ENPP3: variants seen among roughly 807,000 people sequenced by gnomAD.
The protein encoded by ENPP3 is ectonucleotide pyrophosphatase/phosphodiesterase 3.
ENPP3 carries 104 observed loss-of-function variants against 117.8 expected under a neutral mutation model. That is an observed-to-expected ratio of 0.88 (90% CI 0.75 to 1.04). ENPP3 has a LOEUF of 1.04. ENPP3 is among the 50% of genes least tolerant of loss of function. ENPP3 has a pLI of 0.00. For synonymous variants in ENPP3, 380 were observed against 349.9 expected, an observed-to-expected ratio of 1.09 and a Z score of -0.96; for missense variants, 1,026 against 1,051.9, an observed-to-expected ratio of 0.98 and a Z score of 0.34.
Position 131,637,345 on chromosome 6 carries a change from A to C in ENPP3, c.-40A>C, listed in dbSNP as rs9375819. On this transcript the variant is annotated 5_prime_UTR_variant, in exon 1 of 25. Coordinates refer to ENST00000357639, the MANE Select transcript of ENPP3 (RefSeq NM_005021.5). ...AGACTAGACTAAAGAAGGAGCACTA[A>C]TTTATTCTGATAAAACAGGTCTATG... 0.77 allele frequency: 1,054,875 copies of C among 1,361,866 alleles called. 412,410 individuals carry two copies. The highest frequency in any genetic ancestry group is 1 in the East Asian group (41,012 of 41,096). 84.4% of individuals were successfully genotyped at this position (1,361,866 alleles called of 1,614,324 possible).
rs563406239 is a variant in ENPP3, at chr6:131,649,939, C to G, written c.155-88C>G. 1.9e-4 allele frequency: 264 copies of G among 1,371,154 alleles called. 5 individuals are homozygous for G. In the South Asian group the frequency reaches 3.1e-3, roughly 16 times the overall value. 84.9% of individuals were successfully genotyped at this position (1,371,154 alleles called of 1,614,324 possible). On this transcript the variant is annotated intron_variant, in intron 2 of 24. Coordinates refer to ENST00000357639, the MANE Select transcript of ENPP3 (RefSeq NM_005021.5). ...ATCTAGTTGTCTGTCATAGTCTGTG[C>G]TGTGTACTTCCTGTGTGCTTCCACT...
intron 20 of ENPP3, among the ~76,000 whole-genome samples, chr6:131,732,556 G>A (rs186723590): frequency 8.4e-4 from 127 of 151,724 alleles, no homozygotes; most frequent in Non-Finnish European, 1.5e-3. Flanking sequence ...GGGATTACAG[G>A]CACCCACCAC....
chr6:131,724,375 C>T (rs1780106644), intron 19 of ENPP3, among the ~76,000 whole-genome samples: 1 of 152,190 alleles, frequency 6.6e-6, no homozygotes, highest in African/African-American at 2.4e-5. Flanking sequence ...GCAGACTGAG[C>T]TGCCTGGGTT....
chr6:131,668,665 T>G (rs1487954929), intron 6 of ENPP3, among the ~76,000 whole-genome samples: 1 of 152,182 alleles, frequency 6.6e-6, no homozygotes, highest in African/African-American at 2.4e-5. Flanking sequence ...TAGTACTTTA[T>G]TTTTTTAATT....
Position 131,650,112 on chromosome 6 carries a change from T to C in ENPP3, c.240T>C (p.Asp80=). 1 of 1,614,098 alleles carries C rather than the reference T, an allele frequency of 6.2e-7. No homozygotes were observed. The highest frequency in any genetic ancestry group is 8.5e-7 in the Non-Finnish European group (1 of 1,179,984). Residue 80 remains aspartate, a synonymous_variant, in exon 3 of 25, where the codon GAT becomes GAC. Coordinates refer to ENST00000357639, the MANE Select transcript of ENPP3 (RefSeq NM_005021.5). The part of the protein sequence containing the change: ...RCDVACKDRG[D]CCWDFEDTCV... ...ATGTGGCATGTAAAGACCGAGGTGA[T>C]TGCTGCTGGGATTTTGAAGACACCT...
intron 20 of ENPP3, among the ~76,000 whole-genome samples, chr6:131,729,988 T>C (rs189603375): frequency 1.3e-5 from 2 of 152,354 alleles, no homozygotes; most frequent in East Asian, 3.8e-4. Flanking sequence ...GCACAACTTT[T>C]ACAGCCACAG....
At chr6:131,724,404 C>T (rs577502274) in intron 19 of ENPP3, among the ~76,000 whole-genome samples, 1 of 152,262 alleles carries the variant, frequency 6.6e-6, no homozygotes, top group Admixed American at 6.5e-5. Flanking sequence ...ACCTCTGGTG[C>T]TTCCTGGCTG....
At chr6:131,639,328 G>T (rs1777996118) in intron 1 of ENPP3, among the ~76,000 whole-genome samples, 1 of 142,490 alleles carries the variant, frequency 7.0e-6, no homozygotes, top group Non-Finnish European at 1.5e-5. Context: ...GCCCAGGCTG[G>T]AAGACAGTGG....
intron 15 of ENPP3, among the ~76,000 whole-genome samples, chr6:131,717,349 GGGGTGT>G (rs1379955139): frequency 0.033 from 4,214 of 126,844 alleles, 147 homozygotes; most frequent in Middle Eastern, 0.067. Flanking sequence ...AACCCTGCGG[GGGGTGT>G]GTGTGTGTGT....
At chr6:131,664,073 A>G (rs1778564853) in intron 6 of ENPP3, among the ~76,000 whole-genome samples, 1 of 152,146 alleles carries the variant, frequency 6.6e-6, no homozygotes, top group Non-Finnish European at 1.5e-5. Context: ...GTGTACTACT[A>G]CTTATTTAAA....
At chr6:131,674,088 C>T (rs1370613237) in intron 7 of ENPP3, 74 bp from the exon 8 acceptor site, 30 of 886,630 alleles carry the variant, frequency 3.4e-5, no homozygotes, top group African/African-American at 6.9e-5. Flanking sequence ...AGTAATAGAT[C>T]GTGTGCTATT....
intron 6 of ENPP3, among the ~76,000 whole-genome samples, chr6:131,662,688 T>C (rs928567447): frequency 6.6e-6 from 1 of 152,154 alleles, no homozygotes; most frequent in African/African-American, 2.4e-5. Context: ...TTATCTGGGG[T>C]GTTATGAATT....
chr6:131,734,985 T>C (rs1320363329), intron 21 of ENPP3, among the ~76,000 whole-genome samples: 1 of 152,024 alleles, frequency 6.6e-6, no homozygotes, highest in Non-Finnish European at 1.5e-5. Context: ...CCATAAGATA[T>C]TAGTTAATAC....
chr6:131,671,717 A>T (rs1354389060), intron 7 of ENPP3, among the ~76,000 whole-genome samples: 4 of 152,178 alleles, frequency 2.6e-5, no homozygotes, highest in African/African-American at 9.7e-5. Flanking sequence ...TTTTCATTAC[A>T]ATTAACTTGA....
In ENPP3 at chr6:131,639,182, T is replaced by C. The variant is rs147803284; in HGVS notation, c.78+1720T>C. Among the ~76,000 whole-genome samples, 5 of 151,766 alleles carry C rather than the reference T, an allele frequency of 3.3e-5. No individual in the cohort carries two copies. The East Asian group carries it at 9.7e-4, about 29-fold the overall frequency. The stretch of plus-strand genomic sequence containing the variant: ...AGTAACAAAGTAAATCCTCAATATA[T>C]TCCATTTATTCTTTATCCTTCTGAG... On this transcript the variant is annotated intron_variant, in intron 1 of 24. Coordinates refer to ENST00000357639, the MANE Select transcript of ENPP3 (RefSeq NM_005021.5).
At chr6:131,650,242 C>T in intron 3 of ENPP3, 93 bp downstream of exon 3, 1 of 1,369,320 alleles carries the variant, frequency 7.3e-7, no homozygotes, top group South Asian at 1.2e-5. Flanking sequence ...TTTTTTGAGA[C>T]AGAGTGTCAC....
chr6:131,717,693 A>G (rs1405535405), intron 15 of ENPP3, among the ~76,000 whole-genome samples: 1 of 152,206 alleles, frequency 6.6e-6, no homozygotes, highest in Non-Finnish European at 1.5e-5. Context: ...CAGCCTATGG[A>G]AGAAAATCAC....
chr6:131,645,415 G>C (rs1249662385), intron 2 of ENPP3, among the ~76,000 whole-genome samples: 1 of 152,090 alleles, frequency 6.6e-6, no homozygotes, highest in Admixed American at 6.6e-5. Context: ...TTTCATTTTA[G>C]TTTCTATTTC....
intron 5 of ENPP3, among the ~76,000 whole-genome samples, 178 bp downstream of exon 5, chr6:131,653,069 T>A (rs1456998432): frequency 6.6e-6 from 1 of 152,232 alleles, no homozygotes; most frequent in African/African-American, 2.4e-5. Context: ...TTGTTTGCTT[T>A]ATTTTTTCAC....
Sources: allele counts gnomAD v4.1 joint callset (sites outside exome capture counted in the v4.1 genomes callset), GRCh38; gene constraint gnomAD v4.1.1; transcripts MANE v1.5; gene names NCBI Gene and HGNC (gene_info 2026-07-23, HGNC 2026-07-21).